The following CCDC122 variants were observed in gnomAD, a reference collection of about 807,000 sequenced individuals.
CCDC122 encodes coiled-coil domain-containing protein 122.
In CCDC122, 38 loss-of-function variants were observed where a neutral mutation model predicts 37.0. That is an observed-to-expected ratio of 1.03 (90% CI 0.79 to 1.35). The LOEUF is 1.35. Among genes scored for constraint, CCDC122 ranks in the 40% most tolerant of loss-of-function variants. The pLI is 0.00. For synonymous variants in CCDC122, 83 were observed against 95.6 expected (o/e 0.87, Z 0.77); for missense variants, 305 against 310.0 (o/e 0.98, Z 0.12).
downstream of CCDC122, among the ~76,000 whole-genome samples, chr13:43,834,528 C>A (rs1348707832): frequency 6.6e-6 from 1 of 152,272 alleles, no homozygotes; most frequent in South Asian, 2.1e-4. Flanking sequence ...AGGCAACCTA[C>A]AGAATGGGAG....
intron 6 of CCDC122, among the ~76,000 whole-genome samples, chr13:43,845,554 T>C (rs9533653): frequency 6.6e-6 from 1 of 151,962 alleles, no homozygotes; most frequent in African/African-American, 2.4e-5. Flanking sequence ...CTACTAAAAA[T>C]ACAAAAAATT....
At chr13:43,857,886 G>C (rs1230335564) in intron 6 of CCDC122, among the ~76,000 whole-genome samples, 1 of 152,224 alleles carries the variant, frequency 6.6e-6, no homozygotes, top group Non-Finnish European at 1.5e-5. Context: ...CTGGGTGACA[G>C]AGCAAGACTC....
intron 6 of CCDC122, among the ~76,000 whole-genome samples, chr13:43,850,081 A>G (rs1460297002): frequency 6.6e-6 from 1 of 152,156 alleles, no homozygotes. Flanking sequence ...CCATGTTAGG[A>G]GTAGTAGCAA....
chr13:43,828,647 A>G (rs1408317256), intron 3 of CCDC122, among the ~76,000 whole-genome samples: 1 of 151,876 alleles, frequency 6.6e-6, no homozygotes, highest in East Asian at 1.9e-4. Flanking sequence ...CAAGAATTAC[A>G]TCATATTTAT....
intron 3 of CCDC122, among the ~76,000 whole-genome samples, chr13:43,827,145 G>A (rs990678692): frequency 4.6e-5 from 7 of 152,018 alleles, no homozygotes; most frequent in Non-Finnish European, 8.8e-5. Flanking sequence ...ATAATGAAAG[G>A]ACACAAAAGC....
intron 6 of CCDC122, among the ~76,000 whole-genome samples, chr13:43,843,604 C>T (rs1953426602): frequency 6.6e-6 from 1 of 151,866 alleles, no homozygotes; most frequent in African/African-American, 2.4e-5. Flanking sequence ...GTTTCATCTT[C>T]TATTTTCTGA....
downstream of CCDC122, among the ~76,000 whole-genome samples, chr13:43,833,872 TA>T (rs1431456117): frequency 6.6e-6 from 1 of 152,152 alleles, no homozygotes; most frequent in African/African-American, 2.4e-5. Flanking sequence ...GACTGAGCTT[TA>T]AAACAGAAGC....
At chr13:43,869,625 C>T in intron 2 of CCDC122, 136 bp from the exon 3 acceptor site, 1 of 454,558 alleles carries the variant, frequency 2.2e-6, no homozygotes, top group Non-Finnish European at 3.9e-6. Context: ...GCTTCTCCTG[C>T]TTTTCTGCTG....
chr13:43,830,117 C>A (rs1310666027), intron 3 of CCDC122, among the ~76,000 whole-genome samples: 3 of 152,000 alleles, frequency 2.0e-5, no homozygotes, highest in Non-Finnish European at 2.9e-5. Context: ...CTCAGGTGAT[C>A]CACCTGCCTC....
downstream of CCDC122, among the ~76,000 whole-genome samples, chr13:43,835,229 G>T (rs181518513): frequency 2.9e-4 from 44 of 151,988 alleles, no homozygotes; most frequent in East Asian, 8.5e-3. Flanking sequence ...CAAACACCGC[G>T]TGTTCTCACT....
intron 3 of CCDC122, among the ~76,000 whole-genome samples, chr13:43,829,119 T>C (rs1953065230): frequency 6.6e-6 from 1 of 152,218 alleles, no homozygotes; most frequent in African/African-American, 2.4e-5. Flanking sequence ...AAAGTTACTA[T>C]AAATTTTCTC....
chr13:43,832,967 G>A (rs1953103900), downstream of CCDC122, among the ~76,000 whole-genome samples: 1 of 152,138 alleles, frequency 6.6e-6, no homozygotes, highest in Admixed American at 6.5e-5. Flanking sequence ...TTGTTATTTT[G>A]TATCTACAGT....
intron 4 of CCDC122, 90 bp downstream of exon 4, chr13:43,868,604 G>T: frequency 1.6e-6 from 1 of 632,816 alleles, no homozygotes; most frequent in South Asian, 2.6e-5. Context: ...CTTTAAAAGT[G>T]ACTCCCAATA....
chr13:43,824,936 T>C (rs1953025864), intron 3 of CCDC122, among the ~76,000 whole-genome samples: 1 of 152,204 alleles, frequency 6.6e-6, no homozygotes, highest in Admixed American at 6.5e-5. Context: ...ACAATGCTTA[T>C]ACATTGTTGG....
At chr13:43,832,669 T>A (rs4942248), downstream of CCDC122, among the ~76,000 whole-genome samples, 23,254 of 152,148 alleles carry the variant, frequency 0.15, 1,925 homozygotes, top group South Asian at 0.24. Flanking sequence ...AAATGATAGA[T>A]TAAATGTATA....
chr13:43,877,466 A>G (rs1438562463), intron 1 of CCDC122, among the ~76,000 whole-genome samples: 4 of 152,220 alleles, frequency 2.6e-5, no homozygotes, highest in African/African-American at 7.2e-5. Flanking sequence ...AAAGTGTACA[A>G]TTCAATATTT....
At chr13:43,837,493 A>G in intron 6 of CCDC122, 64 bp from the exon 7 acceptor site, 1 of 1,452,168 alleles carries the variant, frequency 6.9e-7, no homozygotes. Context: ...AGCCATAAAT[A>G]ATATTTTGAC....
At chr13:43,831,750 A>G (rs1953091824), downstream of CCDC122, among the ~76,000 whole-genome samples, 1 of 152,082 alleles carries the variant, frequency 6.6e-6, no homozygotes. Flanking sequence ...TTTTAAAACT[A>G]TTTCCCTCAT....
intron 4 of CCDC122, among the ~76,000 whole-genome samples, chr13:43,865,606 T>C (rs187080596): frequency 2.4e-4 from 37 of 152,202 alleles, no homozygotes; most frequent in African/African-American, 8.4e-4. Context: ...TCCTATCTTA[T>C]TGTACTGTAC....
Sources: allele counts gnomAD v4.1 joint callset (sites outside exome capture counted in the v4.1 genomes callset), GRCh38; gene constraint gnomAD v4.1.1; transcripts MANE v1.5; gene names NCBI Gene and HGNC (gene_info 2026-07-23, HGNC 2026-07-21).